BCLAF3: variants seen among roughly 807,000 people sequenced by gnomAD.
BCLAF3 encodes transient octamer binding factor 1.
A neutral mutation model predicts 51.2 loss-of-function variants in BCLAF3; 24 were observed. The observed-to-expected ratio is 0.47, with a 90% CI of 0.34 to 0.66. BCLAF3 has a LOEUF of 0.66. Ranked by LOEUF, BCLAF3 falls within the 30% of genes least tolerant of loss-of-function variation. The pLI is 0.01. For missense variants in BCLAF3, 465 were observed against 525.1 expected, an observed-to-expected ratio of 0.89 and a Z score of 1.12; for synonymous variants, 152 against 176.6, an observed-to-expected ratio of 0.86 and a Z score of 1.10.
At chrX:19,963,945 G>C (rs2071952125) in intron 4 of BCLAF3, among the ~76,000 whole-genome samples, 1 of 111,556 alleles carries the variant, frequency 9.0e-6, no homozygotes, top group Non-Finnish European at 1.9e-5. Context: ...GATCATCTGA[G>C]CCCAAGAGTT....
intron 11 of BCLAF3, among the ~76,000 whole-genome samples, chrX:19,919,789 G>T (rs372085029): frequency 9.4e-6 from 1 of 106,229 alleles, no homozygotes; most frequent in African/African-American, 3.5e-5. Flanking sequence ...CCTGGGAGGC[G>T]GAGGTTGCAG....
intron 1 of BCLAF3, among the ~76,000 whole-genome samples, chrX:19,983,297 C>T (rs188770386): frequency 6.4e-4 from 68 of 106,009 alleles, no homozygotes; most frequent in African/African-American, 2.2e-3. Context: ...AAGGTTAGGC[C>T]GGGCATAGTG....
intron 9 of BCLAF3, among the ~76,000 whole-genome samples, chrX:19,936,115 G>C (rs192899761): frequency 3.8e-4 from 43 of 111,880 alleles, no homozygotes; most frequent in Middle Eastern, 4.6e-3. Context: ...TTTGTGAGGA[G>C]CCAGGATCAT....
chrX:19,987,516 G>A (rs772922342), intron 1 of BCLAF3, among the ~76,000 whole-genome samples: 85 of 111,897 alleles, frequency 7.6e-4, no homozygotes, highest in African/African-American at 2.7e-3. Context: ...TGTTGGCCAG[G>A]CTGGTCTCAA....
chrX:19,930,488 A>AAT, intron 10 of BCLAF3: 1 of 117,813 alleles, frequency 8.5e-6, no homozygotes, highest in Non-Finnish European at 1.8e-5. Flanking sequence ...TTTATATATC[A>AAT]ATATATATAT....
chrX:19,941,694 G>A (rs1251182971), intron 8 of BCLAF3, among the ~76,000 whole-genome samples: 22 of 108,542 alleles, frequency 2.0e-4, no homozygotes, highest in Non-Finnish European at 3.6e-4. Context: ...ATAGTTTGAA[G>A]TCAGGTAGTG....
At chrX:19,955,846 C>T (rs2071642651) in intron 4 of BCLAF3, among the ~76,000 whole-genome samples, 1 of 111,266 alleles carries the variant, frequency 9.0e-6, no homozygotes, top group Admixed American at 9.6e-5. Flanking sequence ...TTGAAAAATA[C>T]AAGGTATTAA....
At chrX:19,917,488 G>A (rs924999833) in intron 11 of BCLAF3, among the ~76,000 whole-genome samples, 154 bp from the exon 12 acceptor site, 7 of 111,521 alleles carry the variant, frequency 6.3e-5, no homozygotes, top group African/African-American at 1.9e-4. Context: ...CCCCAAAGGC[G>A]CAAAGTAACA....
chrX:19,945,994 C>T (rs1339268455), intron 8 of BCLAF3, among the ~76,000 whole-genome samples: 4 of 109,257 alleles, frequency 3.7e-5, no homozygotes, highest in Non-Finnish European at 7.6e-5. Flanking sequence ...TTTTTTAAGC[C>T]GGTCTGAAAA....
Position 19,965,211 on chromosome X carries a change from C to A in BCLAF3, c.1107G>T (p.Trp369Cys), listed in dbSNP as rs760799863. ...CCCCTTCTTTCTTTATTTTTTCCTTCCATTTGTCATTACTAGATCGCAAAT... is the reference window on the plus strand; with the variant it reads ...CCCCTTCTTTCTTTATTTTTTCCTTACATTTGTCATTACTAGATCGCAAAT... ...DVDLRSSNDK[W>C]KEKIKKEGDC... Residue 369 changes from tryptophan to cysteine, a missense_variant, in exon 4 of 12, where the codon TGG becomes TGT. Coordinates refer to ENST00000379682, the MANE Select transcript of BCLAF3 (RefSeq NM_001367774.2). 8.3e-7 allele frequency: 1 copy of A among 1,205,182 alleles called. No individual in the cohort carries two copies. Among genetic ancestry groups the A allele is most frequent in the Admixed American group, 2.2e-5 (1 of 44,580 alleles).
intron 8 of BCLAF3, among the ~76,000 whole-genome samples, chrX:19,945,145 T>C (rs1300136382): frequency 9.0e-6 from 1 of 111,088 alleles, no homozygotes. Flanking sequence ...TAAGCAGTTC[T>C]CTGTATTGGT....
chrX:19,944,643 C>T (rs1372354985), intron 8 of BCLAF3, among the ~76,000 whole-genome samples: 10 of 85,461 alleles, frequency 1.2e-4, no homozygotes, highest in Admixed American at 7.7e-4. Context: ...CTGAGAGATC[C>T]GCTGTTAGTC....
At chrX:19,970,107 A>C in intron 2 of BCLAF3, 117 bp downstream of exon 2, 1 of 593,223 alleles carries the variant, frequency 1.7e-6, no homozygotes, top group Non-Finnish European at 2.9e-6. Flanking sequence ...CTCCACTATG[A>C]TAAAGTACCT....
chrX:19,933,110 CAAG>C (rs1165083023), intron 10 of BCLAF3, among the ~76,000 whole-genome samples: 1 of 111,899 alleles, frequency 8.9e-6, no homozygotes, highest in Non-Finnish European at 1.9e-5. Context: ...TGCTTTTTAA[CAAG>C]AAGACAGTTA....
At chrX:19,982,953 T>A (rs979053939) in intron 1 of BCLAF3, among the ~76,000 whole-genome samples, 2 of 93,607 alleles carry the variant, frequency 2.1e-5, no homozygotes, top group African/African-American at 1.0e-4. Flanking sequence ...ATTCCTTTTT[T>A]TTTTCTTTTT....
At chrX:19,930,817 G>A (rs1489715471) in intron 10 of BCLAF3, among the ~76,000 whole-genome samples, 17 of 111,921 alleles carry the variant, frequency 1.5e-4, no homozygotes, top group African/African-American at 5.5e-4. Flanking sequence ...ACCAGCCTGG[G>A]CAACAGAGTG....
chrX:19,945,677 A>T (rs1347156796), intron 8 of BCLAF3, among the ~76,000 whole-genome samples: 1 of 77,656 alleles, frequency 1.3e-5, no homozygotes, highest in East Asian at 3.1e-4. Context: ...CTCTCTTCAA[A>T]GCTGTCAGAC....
chrX:19,973,905 A>G (rs1419786338), intron 1 of BCLAF3, among the ~76,000 whole-genome samples: 2 of 112,314 alleles, frequency 1.8e-5, no homozygotes, highest in African/African-American at 6.5e-5. Flanking sequence ...CCAAAGGGCT[A>G]TGATCACCCA....
chrX:19,955,683 G>GT, intron 4 of BCLAF3, 117 bp from the exon 5 acceptor site: 1 of 553,618 alleles, frequency 1.8e-6, no homozygotes, highest in Non-Finnish European at 2.7e-6. Context: ...TTATAATTAA[G>GT]GCACTAAATT....
Sources: allele counts gnomAD v4.1 joint callset (sites outside exome capture counted in the v4.1 genomes callset), GRCh38; gene constraint gnomAD v4.1.1; transcripts MANE v1.5; gene names NCBI Gene and HGNC (gene_info 2026-07-23, HGNC 2026-07-21).